Variants in FBXL17 observed in about 807,000 individuals in gnomAD.
FBXL17 encodes F-box and leucine rich repeat protein 17, also known as F-box/LRR-repeat protein 17.
Under a neutral mutation model 66.2 loss-of-function variants are expected in FBXL17, and 22 were observed. The observed-to-expected ratio is 0.33, with a 90% confidence interval of 0.24 to 0.47. FBXL17 has a LOEUF of 0.47. Ranked by LOEUF, FBXL17 falls within the 20% of genes least tolerant of loss-of-function variation. The probability of loss-of-function intolerance (pLI) is 1.00; values close to 1 mark genes in which losing one functional copy is unlikely to be tolerated. For missense variants in FBXL17, 878 were observed against 948.2 expected (o/e 0.93, Z 0.97); for synonymous variants, 474 against 400.5 (o/e 1.18, Z -2.19).
At position 108,381,302 on chromosome 5, in the gene FBXL17, AGCGGCGGCGGCGGCG is replaced by A; in HGVS notation, c.375_389del (p.Ala128_Ala132del). The A allele has an allele frequency of 7.1e-7, 1 of 1,401,038 alleles. No individual in the cohort carries two copies. Among genetic ancestry groups the A allele is most frequent in the Non-Finnish European group, 9.2e-7 (1 of 1,082,328 alleles). 86.8% of individuals were successfully genotyped at this position (1,401,038 alleles called of 1,614,324 possible). A position where few individuals can be genotyped will look rare whatever the true frequency, so the allele number is the denominator to read the frequency against. On this transcript the variant is annotated inframe_deletion, in exon 1 of 9. Transcript: ENST00000542267. ...AGGCGGGCGACGAAGCCGAGGCGGC[AGCGGCGGCGGCGGCG>A]GCGGCCGAGGATAGCAGGAAGCGGC...
At chr5:107,873,869 A>G (rs1748531689) in intron 8 of FBXL17, among the ~76,000 whole-genome samples, 1 of 152,150 alleles carries the variant, frequency 6.6e-6, no homozygotes, top group Non-Finnish European at 1.5e-5. Flanking sequence ...TATTCACCCT[A>G]CAGTATTTGG....
intron 7 of FBXL17, among the ~76,000 whole-genome samples, chr5:108,001,327 A>G (rs1753715417): frequency 6.6e-6 from 1 of 152,182 alleles, no homozygotes; most frequent in Non-Finnish European, 1.5e-5. Flanking sequence ...AGTCAAAACC[A>G]TGTCTGCAAA....
At chr5:108,212,559 ACAGT>A (rs1366737301) in intron 5 of FBXL17, among the ~76,000 whole-genome samples, 1 of 152,056 alleles carries the variant, frequency 6.6e-6, no homozygotes, top group Non-Finnish European at 1.5e-5. Context: ...TTTCCTTCTG[ACAGT>A]CAGGCCCCTC....
chr5:107,925,672 G>A (rs1044867517), intron 7 of FBXL17, among the ~76,000 whole-genome samples: 5 of 152,132 alleles, frequency 3.3e-5, no homozygotes, highest in Non-Finnish European at 7.4e-5. Context: ...ACCCCCAAGC[G>A]GGAATGAGCG....
chr5:107,982,359 T>C (rs1051207239), intron 7 of FBXL17, among the ~76,000 whole-genome samples: 2 of 152,150 alleles, frequency 1.3e-5, no homozygotes, highest in Admixed American at 1.3e-4. Flanking sequence ...CAAGGAAATG[T>C]ACCAGGTTCA....
intron 6 of FBXL17, among the ~76,000 whole-genome samples, chr5:108,051,957 A>C (rs906444948): frequency 6.6e-6 from 1 of 151,766 alleles, no homozygotes; most frequent in African/African-American, 2.4e-5. Context: ...AAAAAAATAC[A>C]AAAAAACTAG....
chr5:108,175,392 C>T (rs1752761556), intron 6 of FBXL17, among the ~76,000 whole-genome samples: 1 of 152,178 alleles, frequency 6.6e-6, no homozygotes, highest in Non-Finnish European at 1.5e-5. Flanking sequence ...TGATACAGCA[C>T]TTCATTACAA....
rs540876372 is a variant in FBXL17, at chr5:108,156,290, A to G, written c.1745+29827T>C. Among the ~76,000 whole-genome samples, 3 of 152,106 alleles carry G rather than the reference A, an allele frequency of 2.0e-5. No homozygotes were observed. The South Asian group carries it at 6.2e-4, about 32-fold the overall frequency. On this transcript the variant is annotated intron_variant, in intron 6 of 8. Coordinates refer to ENST00000542267, the MANE Select transcript of FBXL17 (RefSeq NM_001163315.3). ...TCAGAATATATTAGGTGTTCAGTAT[A>G]CATATATATATATACTTGAGTTCAT...
chr5:107,927,633 A>G (rs891498420), intron 7 of FBXL17, among the ~76,000 whole-genome samples: 5 of 152,176 alleles, frequency 3.3e-5, no homozygotes, highest in Admixed American at 6.5e-5. Context: ...AAAAGAGCCT[A>G]TTATCTATCA....
chr5:108,237,242 A>C (rs1580669642), intron 4 of FBXL17, among the ~76,000 whole-genome samples: 1 of 152,180 alleles, frequency 6.6e-6, no homozygotes, highest in Non-Finnish European at 1.5e-5. Flanking sequence ...AGCACCTACT[A>C]CATGCACAAC....
At chr5:107,939,772 C>T (rs566498519) in intron 7 of FBXL17, among the ~76,000 whole-genome samples, 13 of 152,224 alleles carry the variant, frequency 8.5e-5, no homozygotes, top group African/African-American at 2.6e-4. Context: ...CTCTGTCTTC[C>T]GAAGTCTACT....
At chr5:107,922,276 C>T (rs1387727749) in intron 7 of FBXL17, among the ~76,000 whole-genome samples, 1 of 152,152 alleles carries the variant, frequency 6.6e-6, no homozygotes, top group Non-Finnish European at 1.5e-5. Flanking sequence ...TGTCCTAGGG[C>T]ACAGAAGGAT....
intron 4 of FBXL17, among the ~76,000 whole-genome samples, chr5:108,328,906 A>G (rs946366833): frequency 1.1e-4 from 16 of 152,066 alleles, no homozygotes; most frequent in African/African-American, 3.6e-4. Flanking sequence ...ACTTAATCCT[A>G]AAGTAATAAT....
intron 4 of FBXL17, chr5:108,299,529 T>A (rs574396282): frequency 1.0e-6 from 1 of 955,422 alleles, no homozygotes; most frequent in African/African-American, 1.8e-5. Flanking sequence ...CTAATTTCTA[T>A]ATAATCCTTC....
At chr5:108,027,436 T>C (rs950417890) in intron 6 of FBXL17, among the ~76,000 whole-genome samples, 18 of 152,140 alleles carry the variant, frequency 1.2e-4, no homozygotes, top group Non-Finnish European at 1.9e-4. Flanking sequence ...AAACCTTACA[T>C]AACAAGTTAA....
intron 4 of FBXL17, among the ~76,000 whole-genome samples, chr5:108,244,570 C>T (rs963118696): frequency 1.3e-5 from 2 of 152,166 alleles, no homozygotes; most frequent in Non-Finnish European, 2.9e-5. Context: ...CTTCCTTTCT[C>T]TATCTACATG....
rs1849010 is a variant in FBXL17 at position 108,279,843 on chromosome 5, T to A, written c.1507-55615A>T. On this transcript the variant is annotated intron_variant, in intron 4 of 8. Transcript: ENST00000542267. ...AATACAAAATATATTCAAAAAATTTTAAAAAAAGACTAGTCCAAACAGAAG... is the reference window on the plus strand; with the variant it reads ...AATACAAAATATATTCAAAAAATTTAAAAAAAAGACTAGTCCAAACAGAAG... Among the ~76,000 whole-genome samples the A allele has an allele frequency of 4.9e-3, 742 of 151,752 alleles. 17 individuals carry two copies. Among genetic ancestry groups the A allele is most frequent in the Admixed American group, 0.039 (593 of 15,258 alleles).
intron 4 of FBXL17, among the ~76,000 whole-genome samples, chr5:108,270,703 T>C (rs1757233085): frequency 6.6e-6 from 1 of 152,120 alleles, no homozygotes; most frequent in South Asian, 2.1e-4. Context: ...AATTATTATG[T>C]TGAAATAATT....
intron 3 of FBXL17, among the ~76,000 whole-genome samples, chr5:108,350,031 T>C (rs1747542081): frequency 6.6e-6 from 1 of 152,196 alleles, no homozygotes; most frequent in Non-Finnish European, 1.5e-5. Context: ...TCATGCTCAT[T>C]AGCTATCAGA....
Sources: allele counts gnomAD v4.1 joint callset (sites outside exome capture counted in the v4.1 genomes callset), GRCh38; gene constraint gnomAD v4.1.1; transcripts MANE v1.5; gene names NCBI Gene and HGNC (gene_info 2026-07-23, HGNC 2026-07-21).